The following ATN1 variants were observed in gnomAD, a reference collection of about 807,000 sequenced individuals.
ATN1 encodes the protein atrophin-1.
A neutral mutation model predicts 85.8 loss-of-function variants in ATN1; 19 were observed. The observed-to-expected ratio is 0.22, with a 90% confidence interval of 0.15 to 0.32. The LOEUF (loss-of-function observed/expected upper bound fraction) is 0.32, where lower values mean the gene tolerates loss of function less well. Among genes scored for constraint, ATN1 ranks in the 10% least tolerant of loss-of-function variants. The pLI, the probability that ATN1 is intolerant of heterozygous loss-of-function variation, is 1.00. For synonymous variants in ATN1, 674 were observed against 657.0 expected (o/e 1.03, Z -0.39); for missense variants, 1,453 against 1,564.5 (o/e 0.93, Z 1.20).
chr12:6,927,781 G>A (rs1240631389), upstream of ATN1, among the ~76,000 whole-genome samples: 9 of 150,460 alleles, frequency 6.0e-5, no homozygotes, highest in African/African-American at 2.0e-4. Context: ...CCTCTCCCAG[G>A]CTCCCTCCCT....
Position 6,936,057 on chromosome 12 carries a change from A to G in ATN1, c.790A>G (p.Ser264Gly). 6.4e-7 allele frequency: 1 copy of G among 1,563,198 alleles called. No individual in the cohort carries two copies. The highest frequency in any genetic ancestry group is 8.7e-7 in the Non-Finnish European group (1 of 1,155,636). ...PPPTTPISVS[S>G]SGASGAPPTK... ...ACCCACTACTCCCATTTCAGTATCA[A>G]GCTCTGGGGCTAGTGGTGCTCCCCC... Residue 264 changes from serine (S) to glycine (G), a missense_variant, in exon 5 of 10, where the codon AGC becomes GGC. Ser to Gly is a moderately conservative substitution (Grantham distance 56). Around this residue, in one of 6 missense-constraint regions of ATN1, gnomAD observed 990 missense variants for 914.8 expected, o/e 1.08. Transcript: ENST00000396684.
Position 6,934,119 on chromosome 12 carries a change from A to C in ATN1, c.28-57A>C. 6.2e-7 allele frequency: 1 copy of C among 1,613,232 alleles called. No homozygotes were observed. Among genetic ancestry groups the C allele is most frequent in the South Asian group, 1.1e-5 (1 of 91,064 alleles). On this transcript the variant is annotated intron_variant, in intron 2 of 9. Transcript: ENST00000396684. This position sits in a 1 kb window ranked among gnomAD's most constrained non-coding sequence, Gnocchi z 4.5. ...AGAAGAAGAACAAATAATGTGCACCATAAAGTTAGGTGCAATGTAAAGAAC... is the reference window on the plus strand; with the variant it reads ...AGAAGAAGAACAAATAATGTGCACCCTAAAGTTAGGTGCAATGTAAAGAAC...
chr12:6,938,873 C>T lies in ATN1; in HGVS notation c.2910C>T (p.Pro970=), dbSNP rs1555144287. The change falls in exon 7 of 10, where the codon CCC becomes CCT. Residue 970 remains proline (P), a synonymous_variant. Coordinates refer to ENST00000396684, the MANE Select transcript of ATN1 (RefSeq NM_001940.4). ...LHGVPGPGLD[P]FPRHGGLALQ... is the part of the protein sequence containing the mutation. ...GGGTCCCTGGGCCGGGCTTGGATCC[C>T]TTTCCCCGACATGGGGGCCTGGCTC... 8 of 1,614,158 alleles carry T rather than the reference C, an allele frequency of 5.0e-6. No homozygotes were observed. The South Asian group carries it at 7.7e-5, about 16-fold the overall frequency.
Position 6,934,136 on chromosome 12 carries a change from G to T in ATN1, c.28-40G>T, listed in dbSNP as rs782275844. On this transcript the variant is annotated intron_variant, in intron 2 of 9. Coordinates refer to ENST00000396684, the MANE Select transcript of ATN1 (RefSeq NM_001940.4). The surrounding 1 kb of genome is among the most constrained non-coding windows in gnomAD (Gnocchi z 4.5). ...TGTGCACCATAAAGTTAGGTGCAATGTAAAGAACAGTGTTACCTACCTCCT... is the reference window on the plus strand; with the variant it reads ...TGTGCACCATAAAGTTAGGTGCAATTTAAAGAACAGTGTTACCTACCTCCT... 2.1e-5 allele frequency: 34 copies of T among 1,613,892 alleles called. No homozygotes were observed. Among genetic ancestry groups the T allele is most frequent in the Admixed American group, 3.3e-5 (2 of 59,988 alleles).
intron 6 of ATN1, 39 bp from the exon 7 acceptor site, chr12:6,938,442 A>T: frequency 6.4e-7 from 1 of 1,565,546 alleles, no homozygotes; most frequent in East Asian, 2.3e-5. Context: ...CTCTTTTCAT[A>T]ACTGCCGCTT....
At chr12:6,940,789 C>T (rs1945623366) in intron 7 of ATN1, 91 bp from the exon 8 acceptor site, 1 of 1,514,248 alleles carries the variant, frequency 6.6e-7, no homozygotes, top group Non-Finnish European at 9.2e-7. Flanking sequence ...GTTTGTCTGA[C>T]TCAGTTCCCA....
chr12:6,925,728 T>A (rs1945393047), upstream of ATN1, among the ~76,000 whole-genome samples: 1 of 152,226 alleles, frequency 6.6e-6, no homozygotes, highest in African/African-American at 2.4e-5. Flanking sequence ...CTTTGTTGAA[T>A]CTGGCCCAAG....
intron 7 of ATN1, 78 bp downstream of exon 7, chr12:6,939,255 G>A: frequency 1.4e-6 from 2 of 1,477,576 alleles, no homozygotes; most frequent in Non-Finnish European, 1.8e-6. Context: ...CATTCCTATG[G>A]CCAAGACTTT....
At chr12:6,932,697 A>G (rs2138206626) in intron 1 of ATN1, among the ~76,000 whole-genome samples, 1 of 152,336 alleles carries the variant, frequency 6.6e-6, no homozygotes, top group Non-Finnish European at 1.5e-5. Flanking sequence ...TTAATCATTC[A>G]TGTGAAAACC....
intron 1 of ATN1, among the ~76,000 whole-genome samples, chr12:6,930,611 C>T (rs1407075769): frequency 3.9e-5 from 6 of 152,022 alleles, no homozygotes; most frequent in Non-Finnish European, 5.9e-5. Flanking sequence ...CTGGCTAACA[C>T]GGTGAAACCC....
chr12:6,925,755 A>G (rs1945393408), upstream of ATN1, among the ~76,000 whole-genome samples: 1 of 152,204 alleles, frequency 6.6e-6, no homozygotes, highest in African/African-American at 2.4e-5. Context: ...TGAGACAAAA[A>G]TCTACTGAGC....
At position 6,936,497 on chromosome 12, in the gene ATN1, C is replaced by G; in HGVS notation, c.1230C>G (p.His410Gln). 6.2e-7 allele frequency: 1 copy of G among 1,600,866 alleles called. No individual in the cohort carries two copies. Among genetic ancestry groups the G allele is most frequent in the Non-Finnish European group, 8.5e-7 (1 of 1,176,184 alleles). The change falls in exon 5 of 10, where the codon CAC becomes CAG. Residue 410 changes from histidine (H) to glutamine (Q), a missense_variant. His to Gln is a conservative substitution (Grantham distance 24). This residue lies in a region of ATN1 where 990 missense variants were observed against 914.8 expected (regional missense o/e 1.08). Coordinates refer to ENST00000396684, the MANE Select transcript of ATN1 (RefSeq NM_001940.4). ...PASQALPSYP[H>Q]SFPPPTSLSV... ...CCCAGGCATTGCCCAGCTACCCCCA[C>G]TCTTTCCCTCCCCCAACAAGCCTCT...
At position 6,935,032 on chromosome 12, in the gene ATN1, C is replaced by T. The variant is rs1462847060; in HGVS notation, c.279+454C>T. ...CCTCCCGAGTGGCTGGGATTATAGG[C>T]ATGAGCCACCATGCCCGGCTAATTT... On this transcript the variant is annotated intron_variant, in intron 4 of 9. Coordinates refer to ENST00000396684, the MANE Select transcript of ATN1 (RefSeq NM_001940.4). This position sits in a 1 kb window ranked among gnomAD's most constrained non-coding sequence, Gnocchi z 5.3. Among the ~76,000 whole-genome samples, 1 of 152,128 alleles carries T rather than the reference C, an allele frequency of 6.6e-6. No individual in the cohort carries two copies. The highest frequency in any genetic ancestry group is 1.5e-5 in the Non-Finnish European group (1 of 68,030).
At chr12:6,925,105 TGTGTGC>T (rs1379418740), upstream of ATN1, among the ~76,000 whole-genome samples, 4 of 140,370 alleles carry the variant, frequency 2.8e-5, no homozygotes, top group South Asian at 4.6e-4. Context: ...TGGGGCTGTG[TGTGTGC>T]GTGTGCGTGT....
In ATN1 at chr12:6,935,693, G is replaced by A; in HGVS notation, c.426G>A (p.Glu142=). The change falls in exon 5 of 10, where the codon GAG becomes GAA. Residue 142 remains glutamate (E), a synonymous_variant. Coordinates refer to ENST00000396684, the MANE Select transcript of ATN1 (RefSeq NM_001940.4). This position sits in a 1 kb window ranked among gnomAD's most constrained non-coding sequence, Gnocchi z 5.3. ...SPSIYSPGSV[E]NDSDSSSGLS... The stretch of plus-strand genomic sequence containing the variant: ...GTATCTACAGCCCTGGAAGTGTGGA[G>A]AATGACTCTGACTCATCTTCTGGCC... 6.2e-7 allele frequency: 1 copy of A among 1,613,952 alleles called. No homozygotes were observed. Among genetic ancestry groups the A allele is most frequent in the Middle Eastern group, 1.7e-4 (1 of 6,058 alleles).
In ATN1 at chr12:6,933,810, T is replaced by C. The variant is rs1945495655; in HGVS notation, c.-162-30T>C. 6.1e-6 allele frequency: 4 copies of C among 652,172 alleles called. No homozygotes were observed. The South Asian group carries it at 7.7e-5, about 13-fold the overall frequency. 40.4% of individuals were successfully genotyped at this position (652,172 alleles called of 1,614,324 possible). ...TTCCTTTGTGACTCTGTTCTCCAAG[T>C]TGGAGACTCTGATGGTTTCCTTCTA... On this transcript the variant is annotated intron_variant, in intron 1 of 9. Coordinates refer to ENST00000396684, the MANE Select transcript of ATN1 (RefSeq NM_001940.4).
At position 6,941,246 on chromosome 12, in the gene ATN1, C is replaced by A; in HGVS notation, c.3359-128C>A. 2 of 1,289,098 alleles carry A rather than the reference C, an allele frequency of 1.6e-6. No homozygotes were observed. The highest frequency in any genetic ancestry group is 2.1e-6 in the Non-Finnish European group (2 of 938,064). The allele number at this position is 1,289,098 out of a possible 1,614,324, so 79.9% of individuals were successfully genotyped here. On this transcript the variant is annotated intron_variant, in intron 8 of 9. Transcript: ENST00000396684. This position sits in a 1 kb window ranked among gnomAD's most constrained non-coding sequence, Gnocchi z 5.9. ...ATTCCACCCTACCACTGGCAACTTA[C>A]AGAACTGGGTGTGTTACCTCACTTT... is the stretch of plus-strand genomic sequence containing the variant.
Position 6,936,970 on chromosome 12 carries a change from T to TCTCTTCCTCTTCCAA in ATN1, c.1718_1732dup (p.Asn573_Ser577dup), listed in dbSNP as rs782102915. 9 of 1,613,358 alleles carry TCTCTTCCTCTTCCAA rather than the reference T, an allele frequency of 5.6e-6. No homozygotes were observed. The South Asian group carries it at 9.9e-5, about 18-fold the overall frequency. ...CAAGCAGGCCCCAATGGCCCTCCAG[T>TCTCTTCCTCTTCCAA]CTCTTCCTCTTCCAACTCTTCCTCT... On this transcript the variant is annotated inframe_insertion, in exon 5 of 10. Coordinates refer to ENST00000396684, the MANE Select transcript of ATN1 (RefSeq NM_001940.4).
chr12:6,927,681 C>T (rs1199301625), upstream of ATN1, among the ~76,000 whole-genome samples: 4 of 151,368 alleles, frequency 2.6e-5, no homozygotes, highest in African/African-American at 4.9e-5. Flanking sequence ...GCTTGCCTCG[C>T]GCTCCCTCCC....
Sources: gnomAD v4.1 joint callset for allele counts (sites outside exome capture counted in the v4.1 genomes callset) on GRCh38, gnomAD v4.1.1 for gene constraint, gnomAD v4.1.1 regional missense constraint, Gnocchi (gnomAD v3.1) non-coding constraint, MANE v1.5 for transcripts, NCBI Gene and HGNC (gene_info 2026-07-23, HGNC 2026-07-21) for gene names.